ACBD6: variants seen among roughly 807,000 people sequenced by gnomAD.
ACBD6 encodes acyl-CoA-binding domain-containing protein 6.
Under a neutral mutation model 37.2 loss-of-function variants are expected in ACBD6, and 28 were observed. That is an observed-to-expected ratio of 0.75 (90% CI 0.56 to 1.03). ACBD6 has a LOEUF of 1.03. ACBD6 is among the 50% of genes least tolerant of loss of function. The pLI is 0.00. For synonymous variants in ACBD6, 113 were observed against 126.8 expected, an observed-to-expected ratio of 0.89 and a Z score of 0.73; for missense variants, 340 against 337.4, an observed-to-expected ratio of 1.01 and a Z score of -0.06.
intron 1 of ACBD6, among the ~76,000 whole-genome samples, chr1:180,501,549 C>T (rs773188253): frequency 1.3e-5 from 2 of 152,170 alleles, no homozygotes; most frequent in Non-Finnish European, 2.9e-5. Context: ...AACTCCCGAC[C>T]TCAGGTGATC....
chr1:180,347,952 C>CAAAA (rs34993599), intron 6 of ACBD6, among the ~76,000 whole-genome samples: 2 of 135,554 alleles, frequency 1.5e-5, no homozygotes, highest in African/African-American at 5.4e-5. Context: ...GACCCCGTCT[C>CAAAA]AAAAAAAAAA....
At chr1:180,467,497 T>G (rs1428099623) in intron 3 of ACBD6, among the ~76,000 whole-genome samples, 1 of 140,688 alleles carries the variant, frequency 7.1e-6, no homozygotes, top group Non-Finnish European at 1.5e-5. Context: ...CAAAAAAACT[T>G]AAATTAGCTG....
intron 3 of ACBD6, chr1:180,435,893 G>A (rs544241617): frequency 3.1e-5 from 43 of 1,386,492 alleles, no homozygotes; most frequent in Middle Eastern, 5.0e-4. Context: ...TGGCAAGAAC[G>A]TCAATGGTGG....
intron 3 of ACBD6, among the ~76,000 whole-genome samples, chr1:180,445,141 G>C (rs1649428830): frequency 6.6e-6 from 1 of 152,104 alleles, no homozygotes. Context: ...AAATAAAACA[G>C]TATCCAGTGC....
intron 1 of ACBD6, among the ~76,000 whole-genome samples, chr1:180,500,504 C>A (rs551323256): frequency 6.7e-6 from 1 of 150,294 alleles, no homozygotes; most frequent in Non-Finnish European, 1.5e-5. Context: ...ACCAGCCTGG[C>A]GAACATGATG....
chr1:180,412,068 G>A (rs1174193010), intron 5 of ACBD6, among the ~76,000 whole-genome samples: 2 of 148,708 alleles, frequency 1.3e-5, no homozygotes, highest in South Asian at 2.1e-4. Flanking sequence ...AACTGAATCT[G>A]CAATATTTCA....
intron 6 of ACBD6, among the ~76,000 whole-genome samples, chr1:180,378,899 G>A (rs893434377): frequency 2.6e-5 from 4 of 152,050 alleles, no homozygotes; most frequent in African/African-American, 4.8e-5. Context: ...CACTGCTACT[G>A]CCACTGCCCA....
At chr1:180,397,864 C>T (rs1402898497) in intron 5 of ACBD6, among the ~76,000 whole-genome samples, 1 of 152,020 alleles carries the variant, frequency 6.6e-6, no homozygotes, top group African/African-American at 2.4e-5. Flanking sequence ...ACCAGCCTGG[C>T]CAACATGGTG....
At chr1:180,301,298 A>C (rs1270811251) in intron 7 of ACBD6, among the ~76,000 whole-genome samples, 2 of 152,164 alleles carry the variant, frequency 1.3e-5, no homozygotes, top group Non-Finnish European at 2.9e-5. Flanking sequence ...CTCCACATGA[A>C]TTAGAAAAGC....
At chr1:180,409,010 A>C (rs1369097988) in intron 5 of ACBD6, among the ~76,000 whole-genome samples, 1 of 152,052 alleles carries the variant, frequency 6.6e-6, no homozygotes, top group African/African-American at 2.4e-5. Context: ...TACAAAAATT[A>C]GCCAGGCATG....
chr1:180,271,054 G>A (rs1395293448), exon 14 of ACBD6: 1 of 404,084 alleles, frequency 2.5e-6, no homozygotes. Context: ...TGAGCAGAGT[G>A]TTTGTCATGA....
intron 6 of ACBD6, among the ~76,000 whole-genome samples, chr1:180,381,967 G>C (rs1463376564): frequency 6.6e-6 from 1 of 151,842 alleles, no homozygotes; most frequent in Non-Finnish European, 1.5e-5. Context: ...AAATTAGCTG[G>C]GCGTGGTGGT....
rs754618432 is a variant in ACBD6 at position 180,502,193 on chromosome 1, G to A, written c.74C>T (p.Ser25Phe). The A allele has an allele frequency of 1.2e-6, 2 of 1,614,072 alleles. No individual in the cohort carries two copies. Among genetic ancestry groups the A allele is most frequent in the Non-Finnish European group, 1.7e-6 (2 of 1,180,038 alleles). ...SGGELSSGDDSGEVEFPHSPE... is the reference protein window; with the variant it reads ...SGGELSSGDDFGEVEFPHSPE... ...GCTATGGGGGAACTCCACCTCCCCG[G>A]AGTCGTCCCCTGAGCTCAGCTCTCC... is the stretch of plus-strand genomic sequence containing the variant. The change falls in exon 1 of 8, where the codon TCC becomes TTC. Residue 25 changes from serine (S) to phenylalanine (F), a missense_variant. By Grantham distance (155) the Ser-to-Phe change is radical. Transcript: ENST00000367595.
intron 5 of ACBD6, among the ~76,000 whole-genome samples, chr1:180,398,549 T>C (rs1654349898): frequency 6.6e-6 from 1 of 152,192 alleles, no homozygotes; most frequent in Admixed American, 6.5e-5. Context: ...AAGCCACTTG[T>C]AAAAGAGAAT....
At position 180,288,405 on chromosome 1, in the gene ACBD6, T is replaced by C. The variant is rs368542820; in HGVS notation, c.807A>G (p.Thr269=). 1.2e-6 allele frequency: 2 copies of C among 1,613,836 alleles called. No individual in the cohort carries two copies. Among genetic ancestry groups the C allele is most frequent in the Non-Finnish European group, 1.7e-6 (2 of 1,180,008 alleles). The change falls in exon 8 of 8, where the codon ACA becomes ACG. Residue 269 remains threonine (T), a synonymous_variant. Coordinates refer to ENST00000367595, the MANE Select transcript of ACBD6 (RefSeq NM_032360.4). ...CLPEEVTGCK[T]VSLVLQRHTT... Reference sequence around the variant, plus strand: ...TGTGCCGCTGCAGCACCAAAGAAACTGTTTTGCAGCCTGTCACCTCCTCTG... The same window carrying C: ...TGTGCCGCTGCAGCACCAAAGAAACCGTTTTGCAGCCTGTCACCTCCTCTG...
At chr1:180,468,442 T>C (rs532863544) in intron 3 of ACBD6, among the ~76,000 whole-genome samples, 1 of 152,332 alleles carries the variant, frequency 6.6e-6, no homozygotes, top group South Asian at 2.1e-4. Flanking sequence ...CCTAGAAGAC[T>C]GCTGCCAATT....
chr1:180,374,728 C>A (rs1206262086), intron 6 of ACBD6, among the ~76,000 whole-genome samples: 1 of 152,090 alleles, frequency 6.6e-6, no homozygotes, highest in Non-Finnish European at 1.5e-5. Context: ...CATATTTACA[C>A]CTTCACTTAC....
chr1:180,317,058 T>A (rs1181808787), intron 6 of ACBD6, among the ~76,000 whole-genome samples: 1 of 152,222 alleles, frequency 6.6e-6, no homozygotes, highest in Non-Finnish European at 1.5e-5. Context: ...TCTGAAAGTA[T>A]GCAAGTTACT....
intron 3 of ACBD6, among the ~76,000 whole-genome samples, chr1:180,474,759 A>T (rs1011437682): frequency 1.3e-5 from 2 of 152,256 alleles, no homozygotes; most frequent in African/African-American, 4.8e-5. Flanking sequence ...AATTTCACCT[A>T]CTTTTGTACC....
Sources: allele counts gnomAD v4.1 joint callset (sites outside exome capture counted in the v4.1 genomes callset), GRCh38; gene constraint gnomAD v4.1.1; transcripts MANE v1.5; gene names NCBI Gene and HGNC (gene_info 2026-07-23, HGNC 2026-07-21).